GABRA5: variants seen among roughly 807,000 people sequenced by gnomAD.
The protein encoded by GABRA5 is gamma-aminobutyric acid receptor subunit alpha-5.
GABRA5 carries 18 observed loss-of-function variants against 47.3 expected under a neutral mutation model. The ratio of observed to expected loss-of-function variants is 0.38; its 90% CI spans 0.26 to 0.56. The LOEUF (loss-of-function observed/expected upper bound fraction) is 0.56, where lower values mean the gene tolerates loss of function less well. Ranked by LOEUF, GABRA5 falls within the 20% of genes least tolerant of loss-of-function variation. GABRA5 has a pLI of 0.71. For missense variants in GABRA5, 365 were observed against 599.3 expected (o/e 0.61, Z 4.08); for synonymous variants, 237 against 229.3 (o/e 1.03, Z -0.30).
chr15:26,920,136 T>G lies in GABRA5; in HGVS notation c.580+5251T>G, dbSNP rs1595423326. Among the ~76,000 whole-genome samples, 4 of 152,052 alleles carry G rather than the reference T, an allele frequency of 2.6e-5. No individual in the cohort carries two copies. The South Asian group carries it at 6.2e-4, about 24-fold the overall frequency. Reference sequence around the variant, plus strand: ...CCTAGATCTGTTTCTCCATTTCCTTTCCCAGGTTTGGAAATTTTCAGCCAT... The same window carrying G: ...CCTAGATCTGTTTCTCCATTTCCTTGCCCAGGTTTGGAAATTTTCAGCCAT... On this transcript the variant is annotated intron_variant, in intron 7 of 10. Transcript: ENST00000335625.
chr15:26,911,010 A>G (rs1483490386), intron 6 of GABRA5, among the ~76,000 whole-genome samples: 1 of 152,170 alleles, frequency 6.6e-6, no homozygotes, highest in Non-Finnish European at 1.5e-5. Flanking sequence ...GAGTATTATA[A>G]AAGCATAGGC....
intron 3 of GABRA5, among the ~76,000 whole-genome samples, chr15:26,870,338 A>AGGG (rs1892434497): frequency 6.6e-6 from 1 of 152,190 alleles, no homozygotes; most frequent in South Asian, 2.1e-4. Flanking sequence ...GTGCAGAGGA[A>AGGG]GGGGTGGGTG....
chr15:26,889,144 G>C (rs1274664731), intron 6 of GABRA5, among the ~76,000 whole-genome samples: 1 of 152,170 alleles, frequency 6.6e-6, no homozygotes, highest in African/African-American at 2.4e-5. Flanking sequence ...GTATTCCTCT[G>C]TGCTGTTTTT....
chr15:26,946,072 CA>C (rs1894503517), intron 10 of GABRA5, among the ~76,000 whole-genome samples: 1 of 152,182 alleles, frequency 6.6e-6, no homozygotes, highest in African/African-American at 2.4e-5. Context: ...ACGGTTTCCC[CA>C]GGGGGTCCTC....
chr15:26,934,305 A>G (rs1233754634), intron 7 of GABRA5, among the ~76,000 whole-genome samples: 2 of 151,890 alleles, frequency 1.3e-5, no homozygotes, highest in African/African-American at 4.8e-5. Flanking sequence ...AAAGAATGGG[A>G]AGCCTAGAGA....
chr15:26,923,599 C>T (rs1445600961), intron 7 of GABRA5, among the ~76,000 whole-genome samples: 1 of 152,006 alleles, frequency 6.6e-6, no homozygotes, highest in African/African-American at 2.4e-5. Context: ...TATTGGTCTA[C>T]ACCAATAGCC....
In GABRA5 at chr15:26,944,623, T is replaced by C. The variant is rs151249345; in HGVS notation, c.1089+1197T>C. Among the ~76,000 whole-genome samples the C allele has an allele frequency of 6.7e-3, 1,019 of 152,262 alleles. 5 individuals carry two copies. Among genetic ancestry groups the C allele is most frequent in the Non-Finnish European group, 9.5e-3 (649 of 68,012 alleles). On this transcript the variant is annotated intron_variant, in intron 10 of 10. Transcript: ENST00000335625. ...CTGGGAGCAGGCTGTTCTCAGACGA[T>C]AGAGGTTCTTGGCCGACACGTTTGA... is the stretch of plus-strand genomic sequence containing the variant.
chr15:26,929,465 T>C (rs1480976543), intron 7 of GABRA5, among the ~76,000 whole-genome samples: 1 of 152,302 alleles, frequency 6.6e-6, no homozygotes, highest in East Asian at 1.9e-4. Flanking sequence ...GCAGCAGCTG[T>C]GTCCCAGCAG....
intron 6 of GABRA5, among the ~76,000 whole-genome samples, chr15:26,894,030 G>A (rs1893110147): frequency 6.6e-6 from 1 of 152,080 alleles, no homozygotes; most frequent in Non-Finnish European, 1.5e-5. Context: ...ACTGGAGAGG[G>A]GAGGCAGTTC....
chr15:26,947,591 C>G (rs928763027), intron 10 of GABRA5, among the ~76,000 whole-genome samples: 4 of 152,164 alleles, frequency 2.6e-5, no homozygotes, highest in Non-Finnish European at 5.9e-5. Context: ...ATGTACCACA[C>G]TTTCTTTATC....
intron 3 of GABRA5, among the ~76,000 whole-genome samples, chr15:26,875,129 C>T (rs35450068): frequency 0.38 from 58,116 of 152,100 alleles, 11,358 homozygotes; most frequent in East Asian, 0.47. Flanking sequence ...GCCAAATGCT[C>T]AAGCAAGCCC....
At chr15:26,873,256 A>G (rs1174290038) in intron 3 of GABRA5, among the ~76,000 whole-genome samples, 1 of 152,258 alleles carries the variant, frequency 6.6e-6, no homozygotes, top group South Asian at 2.1e-4. Flanking sequence ...TATCATCATT[A>G]AGAAAATCAT....
At chr15:26,912,972 C>T (rs193085704) in intron 6 of GABRA5, among the ~76,000 whole-genome samples, 1 of 152,118 alleles carries the variant, frequency 6.6e-6, no homozygotes, top group African/African-American at 2.4e-5. Flanking sequence ...CACCTGAGGT[C>T]GGGAGTTTGA....
intron 6 of GABRA5, among the ~76,000 whole-genome samples, chr15:26,891,499 C>T (rs1386722848): frequency 6.6e-6 from 1 of 152,114 alleles, no homozygotes; most frequent in Non-Finnish European, 1.5e-5. Flanking sequence ...TAGCTATGCG[C>T]GCTATTCAGC....
At chr15:26,876,255 CAG>C in intron 3 of GABRA5, among the ~76,000 whole-genome samples, 1 of 152,118 alleles carries the variant, frequency 6.6e-6, no homozygotes, top group Non-Finnish European at 1.5e-5. Flanking sequence ...GTCTGGAGGA[CAG>C]AGAGGGATTG....
chr15:26,876,426 G>A (rs564975907), intron 3 of GABRA5, among the ~76,000 whole-genome samples: 16 of 152,308 alleles, frequency 1.1e-4, no homozygotes, highest in South Asian at 1.0e-3. Context: ...AGGTAAGAGA[G>A]GCAGCAGGAC....
intron 6 of GABRA5, among the ~76,000 whole-genome samples, chr15:26,911,371 G>GCACACACACACACACACACACA (rs111798012): frequency 2.5e-5 from 3 of 118,304 alleles, no homozygotes; most frequent in Non-Finnish European, 5.5e-5. Context: ...CTTGCTGCAT[G>GCACACACACACACACACACACA]CACACACACA....
In GABRA5 at chr15:26,918,659, T is replaced by C. The variant is rs1355532356; in HGVS notation, c.580+3774T>C. The stretch of plus-strand genomic sequence containing the variant: ...TGGGTGCATATTTACTTATAATTGT[T>C]ATATCTCTCTGGTGAATCAATCTTT... On this transcript the variant is annotated intron_variant, in intron 7 of 10. Transcript: ENST00000335625. 5.3e-5 allele frequency among the ~76,000 whole-genome samples: 8 copies of C among 152,352 alleles called. No homozygotes were observed. In the South Asian group the frequency reaches 1.7e-3, roughly 32 times the overall value.
rs536056418 is a variant in GABRA5 at position 26,875,725 on chromosome 15, C to A, written c.87-5121C>A. Reference sequence around the variant, plus strand: ...AGGGAGCGTCGTCAGGGAGGAAGGGCTGGGGTTGGGATCACATTCCGAAAG... The same window carrying A: ...AGGGAGCGTCGTCAGGGAGGAAGGGATGGGGTTGGGATCACATTCCGAAAG... On this transcript the variant is annotated intron_variant, in intron 3 of 10. Coordinates refer to ENST00000335625, the MANE Select transcript of GABRA5 (RefSeq NM_000810.4). 9.2e-5 allele frequency among the ~76,000 whole-genome samples: 14 copies of A among 151,552 alleles called. 1 individual carries two copies. In the South Asian group the frequency reaches 2.9e-3, roughly 32 times the overall value.
Sources: allele counts gnomAD v4.1 joint callset (sites outside exome capture counted in the v4.1 genomes callset), GRCh38; gene constraint gnomAD v4.1.1; transcripts MANE v1.5; gene names NCBI Gene and HGNC (gene_info 2026-07-23, HGNC 2026-07-21).